The following APBB1IP variants were observed in gnomAD, a reference collection of about 807,000 sequenced individuals.
The protein encoded by APBB1IP is amyloid beta A4 precursor protein-binding family B member 1-interacting protein.
APBB1IP carries 27 observed loss-of-function variants against 64.9 expected under a neutral mutation model. That is an observed-to-expected ratio of 0.42 (90% CI 0.31 to 0.57). APBB1IP has a LOEUF of 0.57. Among genes scored for constraint, APBB1IP ranks in the 20% least tolerant of loss-of-function variants. The pLI is 0.20. For synonymous variants in APBB1IP, 392 were observed against 331.0 expected (o/e 1.18, Z -2.00); for missense variants, 812 against 845.5 (o/e 0.96, Z 0.49).
intron 10 of APBB1IP, 83 bp from the exon 11 acceptor site, chr10:26,541,499 C>G: frequency 1.2e-6 from 1 of 829,056 alleles, no homozygotes; most frequent in Non-Finnish European, 2.0e-6. Flanking sequence ...AAATATAATC[C>G]TTAGTTGTGC....
intron 2 of APBB1IP, among the ~76,000 whole-genome samples, chr10:26,460,199 C>A (rs1400963168): frequency 3.9e-5 from 6 of 152,118 alleles, no homozygotes; most frequent in Non-Finnish European, 8.8e-5. Flanking sequence ...AAATAAAACA[C>A]CCTTCTTAGG....
At chr10:26,467,244 G>A (rs1835659968) in intron 2 of APBB1IP, among the ~76,000 whole-genome samples, 1 of 151,626 alleles carries the variant, frequency 6.6e-6, no homozygotes, top group African/African-American at 2.4e-5. Context: ...GAAGTATGAG[G>A]GATGCTGTTT....
chr10:26,494,974 G>A (rs1330313558), intron 3 of APBB1IP, among the ~76,000 whole-genome samples: 1 of 151,800 alleles, frequency 6.6e-6, no homozygotes, highest in Non-Finnish European at 1.5e-5. Context: ...AAAGGTGTTA[G>A]GATGGCAACC....
At chr10:26,532,134 C>T (rs987321344) in intron 8 of APBB1IP, among the ~76,000 whole-genome samples, 9 of 152,184 alleles carry the variant, frequency 5.9e-5, no homozygotes, top group African/African-American at 2.2e-4. Flanking sequence ...GGTGTAAACA[C>T]TTGTGCCTAG....
chr10:26,469,864 T>C (rs1835695818), intron 2 of APBB1IP, among the ~76,000 whole-genome samples: 1 of 152,210 alleles, frequency 6.6e-6, no homozygotes, highest in Non-Finnish European at 1.5e-5. Flanking sequence ...GAACATGCAG[T>C]ATTTGATTTT....
intron 11 of APBB1IP, among the ~76,000 whole-genome samples, chr10:26,547,828 A>G (rs1416742489): frequency 6.6e-6 from 1 of 152,196 alleles, no homozygotes; most frequent in East Asian, 1.9e-4. Flanking sequence ...CACGCTTTGC[A>G]TGTAGATATC....
intron 8 of APBB1IP, among the ~76,000 whole-genome samples, chr10:26,523,575 T>C (rs1175477543): frequency 2.0e-5 from 3 of 152,094 alleles, no homozygotes; most frequent in African/African-American, 7.2e-5. Flanking sequence ...TAGAAAATGG[T>C]ACACTTCAAG....
intron 8 of APBB1IP, among the ~76,000 whole-genome samples, chr10:26,519,422 G>T (rs1836374772): frequency 6.6e-6 from 1 of 152,206 alleles, no homozygotes; most frequent in African/African-American, 2.4e-5. Context: ...GGGAAGGAGA[G>T]TGAGCACCTT....
intron 4 of APBB1IP, among the ~76,000 whole-genome samples, chr10:26,496,755 T>G (rs11015133): frequency 0.012 from 1,841 of 151,698 alleles, 42 homozygotes; most frequent in African/African-American, 0.042. Context: ...TATTTCATAA[T>G]GATTAATAAA....
In APBB1IP at chr10:26,561,388, C is replaced by CTTT. The variant is rs34667769; in HGVS notation, c.1369+559_1369+561dup. Among the ~76,000 whole-genome samples, 407 of 122,498 alleles carry CTTT rather than the reference C, an allele frequency of 3.3e-3. 4 individuals carry two copies. The highest frequency in any genetic ancestry group is 4.7e-3 in the Middle Eastern group (1 of 212). The allele number at this position is 122,498 out of a possible 152,430, so 80.4% of individuals were successfully genotyped here. On this transcript the variant is annotated intron_variant, in intron 13 of 14. Transcript: ENST00000376236. ...TGGCCTGTTTTCTTTTTCTTCTTTG[C>CTTT]TTTTTTTTTTTTTTTTTGGAGGTAA...
At chr10:26,513,838 T>C (rs1836292148) in intron 8 of APBB1IP, among the ~76,000 whole-genome samples, 178 bp downstream of exon 8, 1 of 152,068 alleles carries the variant, frequency 6.6e-6, no homozygotes, top group Non-Finnish European at 1.5e-5. Flanking sequence ...GTTCAAGCAA[T>C]TCTCTTGCCT....
At chr10:26,555,983 T>A (rs1836890220) in intron 11 of APBB1IP, among the ~76,000 whole-genome samples, 1 of 152,212 alleles carries the variant, frequency 6.6e-6, no homozygotes, top group Non-Finnish European at 1.5e-5. Context: ...ACCTTGGTTC[T>A]TTCACTACCT....
intron 8 of APBB1IP, among the ~76,000 whole-genome samples, chr10:26,530,916 A>T (rs919210057): frequency 6.6e-6 from 1 of 152,206 alleles, no homozygotes; most frequent in Non-Finnish European, 1.5e-5. Context: ...CAAGCAAAAC[A>T]TTTAAGATTT....
chr10:26,441,223 A>G (rs1835334593), intron 2 of APBB1IP, among the ~76,000 whole-genome samples: 1 of 152,216 alleles, frequency 6.6e-6, no homozygotes, highest in Non-Finnish European at 1.5e-5. Flanking sequence ...TCATGTACAT[A>G]ATAAATGCCA....
intron 2 of APBB1IP, among the ~76,000 whole-genome samples, chr10:26,471,845 T>C (rs550556676): frequency 5.9e-5 from 9 of 152,212 alleles, no homozygotes; most frequent in Admixed American, 5.9e-4. Context: ...CCACCATGCC[T>C]GGCTTATTTT....
At chr10:26,497,241 C>T (rs920645369) in intron 4 of APBB1IP, among the ~76,000 whole-genome samples, 1 of 151,970 alleles carries the variant, frequency 6.6e-6, no homozygotes, top group Non-Finnish European at 1.5e-5. Context: ...CTTTAGGCCA[C>T]GTGCTATTCA....
intron 8 of APBB1IP, among the ~76,000 whole-genome samples, chr10:26,527,685 C>CTTTTT (rs768509910): frequency 1.5e-3 from 102 of 68,576 alleles, no homozygotes; most frequent in Middle Eastern, 9.8e-3. Flanking sequence ...AGGTCCATGT[C>CTTTTT]TTTTTTTTTT....
chr10:26,459,753 G>T (rs1012219526), intron 2 of APBB1IP, among the ~76,000 whole-genome samples: 4 of 151,506 alleles, frequency 2.6e-5, no homozygotes, highest in African/African-American at 9.7e-5. Context: ...CATTATTGTT[G>T]TATCTTGGTC....
chr10:26,483,986 A>G (rs1332001348), intron 2 of APBB1IP, among the ~76,000 whole-genome samples: 2 of 152,134 alleles, frequency 1.3e-5, no homozygotes. Context: ...TGGTATTAGT[A>G]TCTTAGTCCA....
Sources: gnomAD v4.1 joint callset for allele counts (sites outside exome capture counted in the v4.1 genomes callset) on GRCh38, gnomAD v4.1.1 for gene constraint, MANE v1.5 for transcripts, NCBI Gene and HGNC (gene_info 2026-07-23, HGNC 2026-07-21) for gene names.